CNTNAP2: variants seen among roughly 807,000 people sequenced by gnomAD.
CNTNAP2 encodes the protein contactin-associated protein-like 2.
Under a neutral mutation model 155.2 loss-of-function variants are expected in CNTNAP2, and 98 were observed. That is an observed-to-expected ratio of 0.63 (90% CI 0.54 to 0.75). CNTNAP2 has a LOEUF of 0.75. Among genes scored for constraint, CNTNAP2 ranks in the 30% least tolerant of loss-of-function variants. The pLI, the probability that CNTNAP2 is intolerant of heterozygous loss-of-function variation, is 0.00. For synonymous variants in CNTNAP2, 651 were observed against 631.2 expected (o/e 1.03, Z -0.47); for missense variants, 1,727 against 1,688.1 (o/e 1.02, Z -0.40).
In CNTNAP2 at chr7:146,713,066, A is replaced by C. The variant is rs1322657756; in HGVS notation, c.98-61205A>C. On this transcript the variant is annotated intron_variant, in intron 1 of 23. Transcript: ENST00000361727. ...TCTGAATTACTTCATTTGGTTTTCA[A>C]AACTAAAACTTATAAGAAATCTCAG... 2.0e-5 allele frequency among the ~76,000 whole-genome samples: 3 copies of C among 152,090 alleles called. No homozygotes were observed. The South Asian group carries it at 6.2e-4, about 31-fold the overall frequency.
intron 10 of CNTNAP2, among the ~76,000 whole-genome samples, chr7:147,456,965 A>AACT (rs1338214475): frequency 1.3e-5 from 2 of 152,218 alleles, no homozygotes; most frequent in Non-Finnish European, 2.9e-5. Flanking sequence ...TGTGGTCAAT[A>AACT]ACTATTCCAC....
At chr7:146,508,620 C>G (rs146443558) in intron 1 of CNTNAP2, among the ~76,000 whole-genome samples, 1 of 152,120 alleles carries the variant, frequency 6.6e-6, no homozygotes, top group Non-Finnish European at 1.5e-5. Flanking sequence ...GTCTGGTGTC[C>G]CCCCAAGCTG....
chr7:147,812,373 T>A (rs1798194694), intron 13 of CNTNAP2, among the ~76,000 whole-genome samples: 2 of 152,156 alleles, frequency 1.3e-5, no homozygotes, highest in Non-Finnish European at 2.9e-5. Flanking sequence ...AACATCTAAC[T>A]CTTGAAAGAT....
At chr7:147,351,958 A>G (rs556729338) in intron 9 of CNTNAP2, among the ~76,000 whole-genome samples, 31 of 151,952 alleles carry the variant, frequency 2.0e-4, no homozygotes, top group Non-Finnish European at 3.8e-4. Flanking sequence ...CTTTAAAGAC[A>G]TTATATTGTG....
At chr7:147,868,420 G>T (rs1799269866) in intron 13 of CNTNAP2, among the ~76,000 whole-genome samples, 1 of 152,216 alleles carries the variant, frequency 6.6e-6, no homozygotes, top group African/African-American at 2.4e-5. Context: ...AGGCTACACA[G>T]GGGTCAGGGA....
chr7:146,170,017 T>TC (rs1211037810), intron 1 of CNTNAP2, among the ~76,000 whole-genome samples: 1 of 142,762 alleles, frequency 7.0e-6, no homozygotes, highest in Admixed American at 7.0e-5. Flanking sequence ...TCCTTTCTTT[T>TC]CTTTTTTTTT....
chr7:146,724,397 C>T (rs1323287941), intron 1 of CNTNAP2, among the ~76,000 whole-genome samples: 1 of 151,676 alleles, frequency 6.6e-6, no homozygotes, highest in East Asian at 1.9e-4. Flanking sequence ...AAGAGATGGC[C>T]ACATGTGTAC....
chr7:147,782,066 G>C (rs1228633281), intron 13 of CNTNAP2, among the ~76,000 whole-genome samples: 1 of 151,084 alleles, frequency 6.6e-6, no homozygotes, highest in Non-Finnish European at 1.5e-5. Flanking sequence ...GGGTGACTAT[G>C]AAGTAGAATC....
rs1406900754 is a variant in CNTNAP2, at chr7:146,187,910, C to CT, written c.97+70938dup. Among the ~76,000 whole-genome samples the CT allele has an allele frequency of 9.9e-5, 15 of 152,246 alleles. 1 individual carries two copies. The highest frequency in any genetic ancestry group is 3.4e-3 in the Middle Eastern group (1 of 294). ...ACAACCCATTAATACGTTTCTATTG[C>CT]TAACCTGCCTGTTCCCATGCTCTTG... On this transcript the variant is annotated intron_variant, in intron 1 of 23. Transcript: ENST00000361727.
chr7:148,415,666 A>G lies in CNTNAP2; in HGVS notation c.*50A>G, dbSNP rs750563425. The G allele has an allele frequency of 6.2e-7, 1 of 1,608,416 alleles. No individual in the cohort carries two copies. Among genetic ancestry groups the G allele is most frequent in the Non-Finnish European group, 8.5e-7 (1 of 1,175,536 alleles). On this transcript the variant is annotated 3_prime_UTR_variant, in exon 24 of 24. Coordinates refer to ENST00000361727, the MANE Select transcript of CNTNAP2 (RefSeq NM_014141.6). ...AGGGAGGAGGGAATTACTAGGGAGGAGAGAAAGGGACAAAAGCACCCTGCT... is the reference window on the plus strand; with the variant it reads ...AGGGAGGAGGGAATTACTAGGGAGGGGAGAAAGGGACAAAAGCACCCTGCT...
chr7:147,340,873 C>G (rs1399342823), intron 9 of CNTNAP2, among the ~76,000 whole-genome samples: 1 of 151,938 alleles, frequency 6.6e-6, no homozygotes, highest in Non-Finnish European at 1.5e-5. Flanking sequence ...CAGAAATGAC[C>G]TCCTATCTAT....
chr7:148,140,153 A>G (rs1337221447), intron 16 of CNTNAP2, among the ~76,000 whole-genome samples: 3 of 152,102 alleles, frequency 2.0e-5, no homozygotes, highest in African/African-American at 7.2e-5. Context: ...TTTACAGTCA[A>G]CCTCTCTATA....
At chr7:147,124,569 G>C (rs923098062) in intron 6 of CNTNAP2, among the ~76,000 whole-genome samples, 3 of 152,170 alleles carry the variant, frequency 2.0e-5, no homozygotes, top group Admixed American at 1.3e-4. Context: ...CCATCATATA[G>C]TTGCAATAAA....
At chr7:146,150,037 G>A (rs542833310) in intron 1 of CNTNAP2, among the ~76,000 whole-genome samples, 1 of 152,180 alleles carries the variant, frequency 6.6e-6, no homozygotes, top group Admixed American at 6.6e-5. Flanking sequence ...TGACAAAGCA[G>A]TTGTACCCAG....
chr7:147,310,280 A>G (rs943773165), intron 9 of CNTNAP2, among the ~76,000 whole-genome samples: 3 of 152,186 alleles, frequency 2.0e-5, no homozygotes, highest in African/African-American at 7.2e-5. Context: ...AGAAGTTTTC[A>G]AAGAAAAATA....
intron 9 of CNTNAP2, among the ~76,000 whole-genome samples, chr7:147,387,951 G>A (rs1395645849): frequency 2.0e-5 from 3 of 152,130 alleles, no homozygotes; most frequent in African/African-American, 4.8e-5. Context: ...TCCAAATGGT[G>A]ACTTTCTTCT....
chr7:147,656,813 A>G (rs1283090275), intron 13 of CNTNAP2, among the ~76,000 whole-genome samples: 1 of 152,244 alleles, frequency 6.6e-6, no homozygotes, highest in African/African-American at 2.4e-5. Flanking sequence ...TACTCGAAGC[A>G]GGGTTGCCAC....
chr7:148,400,822 A>G (rs1204850026), intron 22 of CNTNAP2, among the ~76,000 whole-genome samples: 1 of 152,126 alleles, frequency 6.6e-6, no homozygotes, highest in Non-Finnish European at 1.5e-5. Context: ...TCTACTAAAA[A>G]TACAAAAATT....
chr7:147,268,291 G>A (rs1489550988), intron 8 of CNTNAP2, among the ~76,000 whole-genome samples: 1 of 151,994 alleles, frequency 6.6e-6, no homozygotes, highest in East Asian at 1.9e-4. Context: ...TACAGATAAT[G>A]ACCAAATTTA....
Sources: gnomAD v4.1 joint callset for allele counts (sites outside exome capture counted in the v4.1 genomes callset) on GRCh38, gnomAD v4.1.1 for gene constraint, MANE v1.5 for transcripts, NCBI Gene and HGNC (gene_info 2026-07-23, HGNC 2026-07-21) for gene names.